KCNJ6: variants seen among roughly 807,000 people sequenced by gnomAD.
The protein encoded by KCNJ6 is G protein-activated inward rectifier potassium channel 2.
Under a neutral mutation model 34.2 loss-of-function variants are expected in KCNJ6, and 9 were observed. The observed-to-expected ratio is 0.26, with a 90% CI of 0.16 to 0.46. KCNJ6 has a LOEUF of 0.46. Ranked by LOEUF, KCNJ6 falls within the 20% of genes least tolerant of loss-of-function variation. The pLI is 1.00. For synonymous variants in KCNJ6, 196 were observed against 207.1 expected, an observed-to-expected ratio of 0.95 and a Z score of 0.46; for missense variants, 236 against 531.3, an observed-to-expected ratio of 0.44 and a Z score of 5.46.
chr21:37,727,717 A>C (rs185045471), intron 2 of KCNJ6, among the ~76,000 whole-genome samples: 149 of 152,296 alleles, frequency 9.8e-4, no homozygotes, highest in Middle Eastern at 6.8e-3. Context: ...GATGAACTTC[A>C]TCCCAGAGTG....
chr21:37,720,168 AT>A (rs1448701764), intron 2 of KCNJ6, among the ~76,000 whole-genome samples: 4 of 152,166 alleles, frequency 2.6e-5, no homozygotes, highest in African/African-American at 4.8e-5. Flanking sequence ...TCTAGAATAC[AT>A]TTATATTACT....
chr21:37,819,096 A>G (rs531816708), intron 2 of KCNJ6, among the ~76,000 whole-genome samples: 221 of 152,344 alleles, frequency 1.5e-3, no homozygotes, highest in South Asian at 1.2e-3. Context: ...TCTCATTCAC[A>G]CTAGACAAGC....
intron 3 of KCNJ6, among the ~76,000 whole-genome samples, chr21:37,629,606 A>G (rs916723927): frequency 6.6e-6 from 1 of 152,162 alleles, no homozygotes. Flanking sequence ...GAGGGAGGAG[A>G]TGGCCATCTA....
intron 1 of KCNJ6, among the ~76,000 whole-genome samples, chr21:37,882,886 C>T (rs2055716507): frequency 6.6e-6 from 1 of 152,162 alleles, no homozygotes; most frequent in Admixed American, 6.5e-5. Flanking sequence ...AGTCATAGGG[C>T]TTGTGTGTGC....
At chr21:37,677,593 C>T (rs985940657) in intron 3 of KCNJ6, among the ~76,000 whole-genome samples, 2 of 151,790 alleles carry the variant, frequency 1.3e-5, no homozygotes, top group African/African-American at 4.8e-5. Flanking sequence ...GGCTGTTTTC[C>T]ATAACATTTT....
intron 3 of KCNJ6, among the ~76,000 whole-genome samples, chr21:37,647,990 G>GA (rs1174793216): frequency 5.3e-5 from 8 of 152,224 alleles, no homozygotes; most frequent in Non-Finnish European, 1.2e-4. Flanking sequence ...TGAGCTGGCA[G>GA]AATGTGTCAG....
Position 37,690,781 on chromosome 21 carries a change from C to CTT in KCNJ6, c.946+23428_946+23429dup, listed in dbSNP as rs796532358. Among the ~76,000 whole-genome samples the CTT allele has an allele frequency of 7.1e-4, 97 of 136,562 alleles. 1 individual carries two copies. The highest frequency in any genetic ancestry group is 2.4e-3 in the African/African-American group (86 of 36,200). The allele number at this position is 136,562 out of a possible 152,430, so 89.6% of individuals were successfully genotyped here. On this transcript the variant is annotated intron_variant, in intron 3 of 3. Coordinates refer to ENST00000609713, the MANE Select transcript of KCNJ6 (RefSeq NM_002240.5). ...CTTCAGGTTACTTCTTTTTTCTTTT[C>CTT]TTTTTTTTTTTTTTTTGAGATAGAG...
intron 2 of KCNJ6, among the ~76,000 whole-genome samples, chr21:37,787,468 C>T (rs1181312493): frequency 1.3e-5 from 2 of 152,090 alleles, no homozygotes; most frequent in Non-Finnish European, 2.9e-5. Flanking sequence ...CAGTGGGGCA[C>T]GTCAAAGAAA....
At chr21:37,665,033 G>C (rs1044348908) in intron 3 of KCNJ6, among the ~76,000 whole-genome samples, 3 of 151,674 alleles carry the variant, frequency 2.0e-5, no homozygotes, top group Non-Finnish European at 4.4e-5. Context: ...CCTGACCTTG[G>C]GATCCGCCTG....
intron 2 of KCNJ6, among the ~76,000 whole-genome samples, chr21:37,766,173 C>T (rs2835947): frequency 0.38 from 58,483 of 152,032 alleles, 11,664 homozygotes; most frequent in African/African-American, 0.48. Flanking sequence ...CTGTATGGTT[C>T]GGGAAACTGT....
At chr21:37,678,681 C>T (rs2054577868) in intron 3 of KCNJ6, among the ~76,000 whole-genome samples, 1 of 152,000 alleles carries the variant, frequency 6.6e-6, no homozygotes, top group South Asian at 2.1e-4. Context: ...GATGAATGGA[C>T]AGGTAGATGA....
intron 2 of KCNJ6, among the ~76,000 whole-genome samples, chr21:37,798,370 C>T (rs1468360158): frequency 1.3e-5 from 2 of 152,196 alleles, no homozygotes; most frequent in Non-Finnish European, 2.9e-5. Context: ...CCATGAGTCT[C>T]ACTCCTAGTA....
chr21:37,727,272 C>A (rs184802187), intron 2 of KCNJ6, among the ~76,000 whole-genome samples: 110 of 152,266 alleles, frequency 7.2e-4, no homozygotes, highest in Admixed American at 1.8e-3. Flanking sequence ...TTTGTTATGG[C>A]AACCCCTGGA....
chr21:37,831,085 C>T (rs1023132240), intron 2 of KCNJ6, among the ~76,000 whole-genome samples: 3 of 152,166 alleles, frequency 2.0e-5, no homozygotes, highest in African/African-American at 7.2e-5. Flanking sequence ...ATGGCTCAGG[C>T]CTTCTAGTCC....
At chr21:37,664,964 T>A (rs987681550) in intron 3 of KCNJ6, among the ~76,000 whole-genome samples, 1 of 151,606 alleles carries the variant, frequency 6.6e-6, no homozygotes, top group Non-Finnish European at 1.5e-5. Context: ...CCCGGCTAAT[T>A]TTTTGTATTT....
At chr21:37,753,395 T>C (rs927156844) in intron 2 of KCNJ6, among the ~76,000 whole-genome samples, 2 of 152,162 alleles carry the variant, frequency 1.3e-5, no homozygotes. Context: ...CTGATGAAGA[T>C]AGGCTATGAT....
At chr21:37,686,942 G>C (rs2054618406) in intron 3 of KCNJ6, among the ~76,000 whole-genome samples, 1 of 152,132 alleles carries the variant, frequency 6.6e-6, no homozygotes, top group African/African-American at 2.4e-5. Flanking sequence ...AAAACCCAGA[G>C]AGCACTCTTC....
chr21:37,777,406 G>A (rs1343564719), intron 2 of KCNJ6, among the ~76,000 whole-genome samples: 1 of 151,922 alleles, frequency 6.6e-6, no homozygotes, highest in Non-Finnish European at 1.5e-5. Context: ...TCTCTGATTG[G>A]CCTTACTCAG....
In KCNJ6 at chr21:37,791,119, A is replaced by G. The variant is rs185575844; in HGVS notation, c.25+49539T>C. Among the ~76,000 whole-genome samples, 438 of 152,364 alleles carry G rather than the reference A, an allele frequency of 2.9e-3. 2 individuals are homozygous for G. The highest frequency in any genetic ancestry group is 4.8e-3 in the Non-Finnish European group (325 of 68,036). On this transcript the variant is annotated intron_variant, in intron 2 of 3. Coordinates refer to ENST00000609713, the MANE Select transcript of KCNJ6 (RefSeq NM_002240.5). ...GGCCCTGGGAGGGACCTTGTCCTCC[A>G]GCCACACCGTGTCTGCTGGACCAGG...
Sources: gnomAD v4.1 joint callset for allele counts (sites outside exome capture counted in the v4.1 genomes callset) on GRCh38, gnomAD v4.1.1 for gene constraint, MANE v1.5 for transcripts, NCBI Gene and HGNC (gene_info 2026-07-23, HGNC 2026-07-21) for gene names.